Variants in BLTP1 observed in about 807,000 individuals in gnomAD.
BLTP1 encodes bridge-like lipid transfer protein family member 1.
the BLTP1 span, among the ~76,000 whole-genome samples, chr4:122,304,109 A>C: frequency 6.6e-6 from 1 of 152,164 alleles, no homozygotes; most frequent in African/African-American, 2.4e-5. Context: ...AACAACCACT[A>C]CCATGATCAG....
chr4:122,162,419 C>G, the BLTP1 span: 1 of 518,016 alleles, frequency 1.9e-6, no homozygotes, highest in Non-Finnish European at 2.5e-6. Flanking sequence ...GCCATGAAGC[C>G]CTGGAAGGGG....
chr4:122,347,822 C>G, the BLTP1 span: 2 of 1,434,092 alleles, frequency 1.4e-6, no homozygotes, highest in East Asian at 4.6e-5. Flanking sequence ...ACAGTGTTCT[C>G]AGGATAAAAT....
chr4:122,275,889 G>T, the BLTP1 span: 3 of 1,348,702 alleles, frequency 2.2e-6, no homozygotes, highest in African/African-American at 1.5e-5. Flanking sequence ...CCAGATGATT[G>T]GTCATATTGT....
chr4:122,312,665 T>C, the BLTP1 span: 1 of 186,622 alleles, frequency 5.4e-6, no homozygotes, highest in East Asian at 1.9e-4. Flanking sequence ...ATTGGCAGTC[T>C]TTAAAAAAAC....
At chr4:122,221,068 G>C in the BLTP1 span, 2 of 978,934 alleles carry the variant, frequency 2.0e-6, no homozygotes, top group African/African-American at 3.6e-5. Flanking sequence ...ATATGCCCCT[G>C]TCTTACTTTT....
At chr4:122,288,897 G>T in the BLTP1 span, 1 of 327,592 alleles carries the variant, frequency 3.1e-6, no homozygotes, top group Non-Finnish European at 4.4e-6. Context: ...CATTTTGGGA[G>T]TGTACTATAA....
the BLTP1 span, chr4:122,271,402 A>G: frequency 6.2e-7 from 1 of 1,613,900 alleles, no homozygotes; most frequent in Non-Finnish European, 8.5e-7. Context: ...GCAGTTCTAG[A>G]GGAAGTCTTA....
the BLTP1 span, among the ~76,000 whole-genome samples, chr4:122,270,773 A>G: frequency 1.3e-5 from 2 of 152,154 alleles, no homozygotes; most frequent in Admixed American, 6.6e-5. Context: ...ATTTCTTAAC[A>G]TAAGAAGACT....
the BLTP1 span, chr4:122,206,182 A>G: frequency 2.1e-6 from 1 of 467,736 alleles, no homozygotes; most frequent in Admixed American, 6.4e-5. Flanking sequence ...TCACCATTGT[A>G]GTCCTAGAGT....
At chr4:122,162,736 A>AAC in the BLTP1 span, 5 of 318,114 alleles carry the variant, frequency 1.6e-5, no homozygotes, top group African/African-American at 1.4e-4. Context: ...CAACAACAAC[A>AAC]AAAAAAAAAC....
the BLTP1 span, chr4:122,312,871 A>G: frequency 2.4e-6 from 2 of 841,304 alleles, no homozygotes. Flanking sequence ...GACATTAAAG[A>G]TATATGTACT....
At chr4:122,235,018 T>C in the BLTP1 span, 1 of 1,598,844 alleles carries the variant, frequency 6.3e-7, no homozygotes, top group South Asian at 1.1e-5. Flanking sequence ...CCCAAAATTA[T>C]AGATGGTAAT....
the BLTP1 span, chr4:122,207,653 A>G: frequency 6.5e-7 from 1 of 1,539,122 alleles, no homozygotes. Context: ...GTATAGTTGA[A>G]TGCATTATTT....
At chr4:122,339,908 T>C in the BLTP1 span, among the ~76,000 whole-genome samples, 3 of 152,206 alleles carry the variant, frequency 2.0e-5, no homozygotes, top group Non-Finnish European at 4.4e-5. Context: ...ATGTGTTTCA[T>C]AAAGGTTTTG....
chr4:122,195,427 T>TGG, the BLTP1 span, among the ~76,000 whole-genome samples: 1 of 141,546 alleles, frequency 7.1e-6, no homozygotes, highest in Non-Finnish European at 1.6e-5. Flanking sequence ...TAACATTGTC[T>TGG]GGCATTTTTT....
At chr4:122,207,914 C>T in the BLTP1 span, 79 of 983,838 alleles carry the variant, frequency 8.0e-5, no homozygotes, top group Non-Finnish European at 8.3e-5. Flanking sequence ...GTTAGCCCTT[C>T]TAGCTCTAAT....
the BLTP1 span, chr4:122,256,656 A>G: frequency 3.0e-4 from 47 of 157,130 alleles, no homozygotes; most frequent in Non-Finnish European, 5.0e-4. Context: ...AGACTAAGGT[A>G]ACAGGAAAAG....
chr4:122,262,677 T>C, the BLTP1 span: 50 of 1,465,036 alleles, frequency 3.4e-5, no homozygotes, highest in East Asian at 3.5e-4. Flanking sequence ...CTAGCAGTTA[T>C]AGCAACAGTA....
At chr4:122,312,476 A>C in the BLTP1 span, among the ~76,000 whole-genome samples, 1 of 152,074 alleles carries the variant, frequency 6.6e-6, no homozygotes. Flanking sequence ...TTTTCTTTTC[A>C]TTCTAGCATT....
Sources: allele counts gnomAD v4.1 joint callset (sites outside exome capture counted in the v4.1 genomes callset), GRCh38; gene constraint gnomAD v4.1.1; transcripts MANE v1.5; gene names NCBI Gene and HGNC (gene_info 2026-07-23, HGNC 2026-07-21).